MMP26: variants seen among roughly 807,000 people sequenced by gnomAD.
The protein encoded by MMP26 is matrix metallopeptidase 26, also known as matrix metalloproteinase-26.
MMP26 carries 33 observed loss-of-function variants against 31.0 expected under a neutral mutation model. The ratio of observed to expected loss-of-function variants is 1.06; its 90% CI spans 0.81 to 1.42. The LOEUF is 1.42. Among genes scored for constraint, MMP26 ranks in the 40% most tolerant of loss-of-function variants. The pLI is 0.00. For missense variants in MMP26, 347 were observed against 316.1 expected (o/e 1.10, Z -0.74); for synonymous variants, 122 against 114.9 (o/e 1.06, Z -0.40).
intron 2 of MMP26, among the ~76,000 whole-genome samples, chr11:4,788,251 T>C (rs1207228040): frequency 1.3e-5 from 2 of 151,948 alleles, no homozygotes; most frequent in African/African-American, 2.4e-5. Context: ...TACTTCTGGG[T>C]ATAACAGACT....
At chr11:4,780,103 C>T (rs1408468951) in intron 2 of MMP26, among the ~76,000 whole-genome samples, 1 of 151,994 alleles carries the variant, frequency 6.6e-6, no homozygotes, top group African/African-American at 2.4e-5. Context: ...TATTGTTGGT[C>T]ATTTTGTTTT....
chr11:4,785,083 T>C (rs1240513784), intron 2 of MMP26, among the ~76,000 whole-genome samples: 1 of 152,140 alleles, frequency 6.6e-6, no homozygotes, highest in African/African-American at 2.4e-5. Flanking sequence ...TGGGTTGATA[T>C]ATACTGGTGT....
intron 2 of MMP26, among the ~76,000 whole-genome samples, chr11:4,979,892 A>G (rs140279779): frequency 1.1e-4 from 16 of 152,268 alleles, no homozygotes; most frequent in Admixed American, 2.6e-4. Context: ...TCATGTTTAT[A>G]TGGAACAGAG....
chr11:4,801,884 G>T (rs1291077122), intron 2 of MMP26, among the ~76,000 whole-genome samples: 1 of 151,726 alleles, frequency 6.6e-6, no homozygotes, highest in Non-Finnish European at 1.5e-5. Context: ...AACTGAGAAA[G>T]AACTCACTCA....
chr11:4,918,282 T>G (rs1851128843), intron 2 of MMP26, among the ~76,000 whole-genome samples: 1 of 152,206 alleles, frequency 6.6e-6, no homozygotes, highest in South Asian at 2.1e-4. Context: ...AGCAATTATT[T>G]AAGTTAAGGC....
intron 2 of MMP26, chr11:4,876,282 T>C (rs546226220): frequency 6.6e-6 from 1 of 152,290 alleles, no homozygotes; most frequent in Non-Finnish European, 1.5e-5. Flanking sequence ...GAATTGCATA[T>C]GTCCCTAGTA....
chr11:4,870,400 A>T (rs1207185059), intron 2 of MMP26, among the ~76,000 whole-genome samples: 1 of 152,286 alleles, frequency 6.6e-6, no homozygotes, highest in East Asian at 1.9e-4. Flanking sequence ...AAATAATTTC[A>T]TAAAGGATAA....
intron 2 of MMP26, among the ~76,000 whole-genome samples, chr11:4,938,869 T>C (rs1205450299): frequency 6.6e-6 from 1 of 152,094 alleles, no homozygotes; most frequent in South Asian, 2.1e-4. Flanking sequence ...TTAGAAAATA[T>C]GTAGTCTTAC....
At chr11:4,942,557 C>T (rs1319649327) in intron 2 of MMP26, among the ~76,000 whole-genome samples, 1 of 151,916 alleles carries the variant, frequency 6.6e-6, no homozygotes, top group East Asian at 1.9e-4. Context: ...TCTTCTATTC[C>T]TTGGTTTCTA....
At chr11:4,876,279 A>G (rs1256181747) in intron 2 of MMP26, 3 of 152,138 alleles carry the variant, frequency 2.0e-5, no homozygotes, top group African/African-American at 7.2e-5. Context: ...TCTGAATTGC[A>G]TATGTCCCTA....
intron 2 of MMP26, among the ~76,000 whole-genome samples, chr11:4,860,976 T>TA (rs1467368142): frequency 6.6e-6 from 1 of 151,460 alleles, no homozygotes; most frequent in East Asian, 1.9e-4. Flanking sequence ...AACCTCACAA[T>TA]ACCATCACCA....
At chr11:4,908,489 G>C in intron 2 of MMP26, 1 of 622,468 alleles carries the variant, frequency 1.6e-6, no homozygotes, top group Non-Finnish European at 2.8e-6. Flanking sequence ...AAAGTCAAGA[G>C]ATATATAAGA....
intron 2 of MMP26, among the ~76,000 whole-genome samples, chr11:4,821,140 AT>A (rs1194313859): frequency 6.6e-6 from 1 of 152,122 alleles, no homozygotes; most frequent in Non-Finnish European, 1.5e-5. Context: ...CTTAATTGTA[AT>A]GTTTATTGCT....
At position 4,952,423 on chromosome 11, in the gene MMP26, C is replaced by T. The variant is rs78924807; in HGVS notation, c.-144-35645C>T. Reference sequence around the variant, plus strand: ...AATTAATAAAGCATGTCAACTACTGCTTTGTTGTACTACAACCCCAAACCC... The same window carrying T: ...AATTAATAAAGCATGTCAACTACTGTTTTGTTGTACTACAACCCCAAACCC... On this transcript the variant is annotated intron_variant, in intron 2 of 7. Coordinates refer to ENST00000380390, the MANE Select transcript of MMP26 (RefSeq NM_021801.5). Among the ~76,000 whole-genome samples the T allele has an allele frequency of 8.0e-5, 10 of 125,366 alleles. 3 individuals carry two copies. The East Asian group carries it at 2.3e-3, about 28-fold the overall frequency. 82.2% of individuals were successfully genotyped at this position (125,366 alleles called of 152,430 possible).
intron 1 of MMP26, among the ~76,000 whole-genome samples, chr11:4,746,676 A>C (rs1205166776): frequency 1.3e-5 from 2 of 152,160 alleles, no homozygotes; most frequent in Non-Finnish European, 2.9e-5. Flanking sequence ...TCTGCTAAAA[A>C]TACAAAAATT....
At chr11:4,831,134 C>T (rs897555573) in intron 2 of MMP26, among the ~76,000 whole-genome samples, 2 of 152,192 alleles carry the variant, frequency 1.3e-5, no homozygotes, top group African/African-American at 4.8e-5. Context: ...TTTCTACCCA[C>T]CACTTTCTAG....
At chr11:4,962,578 G>C (rs923295851) in intron 2 of MMP26, among the ~76,000 whole-genome samples, 1 of 152,170 alleles carries the variant, frequency 6.6e-6, no homozygotes, top group African/African-American at 2.4e-5. Context: ...TTATTTCAAC[G>C]TGTAAGGCAG....
rs561722838 is a variant in MMP26, at chr11:4,790,797, G to A, written c.-145+23456G>A. Among the ~76,000 whole-genome samples the A allele has an allele frequency of 3.9e-5, 6 of 152,198 alleles. No individual in the cohort carries two copies. The South Asian group carries it at 8.3e-4, about 21-fold the overall frequency. The stretch of plus-strand genomic sequence containing the variant: ...TGATTCACTTTTCTAGGTTAACCAT[G>A]CCAACTCAATATTTCTTCATGCACA... On this transcript the variant is annotated intron_variant, in intron 2 of 7. Transcript: ENST00000380390.
intron 1 of MMP26, among the ~76,000 whole-genome samples, chr11:4,746,385 A>AT (rs1848379776): frequency 6.6e-6 from 1 of 152,184 alleles, no homozygotes; most frequent in African/African-American, 2.4e-5. Flanking sequence ...TATAGTAAAT[A>AT]TTTTTTAAAT....
Sources: gnomAD v4.1 joint callset for allele counts (sites outside exome capture counted in the v4.1 genomes callset) on GRCh38, gnomAD v4.1.1 for gene constraint, MANE v1.5 for transcripts, NCBI Gene and HGNC (gene_info 2026-07-23, HGNC 2026-07-21) for gene names.